RGS7BP: variants seen among roughly 807,000 people sequenced by gnomAD.
The protein encoded by RGS7BP is regulator of G protein signaling 7 binding protein, also known as regulator of G protein signaling 7-binding protein.
In RGS7BP, 9 loss-of-function variants were observed where a neutral mutation model predicts 31.3. That is an observed-to-expected ratio of 0.29 (90% CI 0.17 to 0.50). RGS7BP has a LOEUF of 0.50. RGS7BP is among the 20% of genes least tolerant of loss of function. The probability of loss-of-function intolerance (pLI) is 0.98; values close to 1 mark genes in which losing one functional copy is unlikely to be tolerated. For missense variants in RGS7BP, 274 were observed against 322.0 expected (o/e 0.85, Z 1.14); for synonymous variants, 115 against 120.1 (o/e 0.96, Z 0.28).
rs1191560944 is a variant in RGS7BP, at chr5:64,538,546, C to CTTTT, written c.332+30694_332+30697dup. Among the ~76,000 whole-genome samples, 53 of 40,030 alleles carry CTTTT rather than the reference C, an allele frequency of 1.3e-3. 9 individuals carry two copies. Among genetic ancestry groups the CTTTT allele is most frequent in the African/African-American group, 2.3e-3 (21 of 8,978 alleles). The allele number at this position is 40,030 out of a possible 152,430, so 26.3% of individuals were successfully genotyped here. A position where few individuals can be genotyped will look rare whatever the true frequency, so the allele number is the denominator to read the frequency against. On this transcript the variant is annotated intron_variant, in intron 2 of 5. Transcript: ENST00000334025. ...TTCTTTTCTTTTTTTTTTTCCTTTT[C>CTTTT]TTTTTTTTTTTTTTTTTTTTTTTTT...
At chr5:64,600,099 T>A (rs1184899957) in intron 5 of RGS7BP, among the ~76,000 whole-genome samples, 4 of 152,212 alleles carry the variant, frequency 2.6e-5, no homozygotes, top group African/African-American at 7.2e-5. Context: ...GTCAGGCTGG[T>A]CTTGAGCCTG....
intron 3 of RGS7BP, among the ~76,000 whole-genome samples, chr5:64,584,992 TCC>T (rs1410044886): frequency 6.6e-6 from 1 of 152,114 alleles, no homozygotes; most frequent in Non-Finnish European, 1.5e-5. Context: ...AGCCTATACT[TCC>T]CCAGTCCTTT....
intron 2 of RGS7BP, among the ~76,000 whole-genome samples, chr5:64,523,193 G>A (rs1749150726): frequency 6.6e-6 from 1 of 152,188 alleles, no homozygotes; most frequent in African/African-American, 2.4e-5. Flanking sequence ...CAGGGCCCCA[G>A]GTAGGTGAAG....
At chr5:64,512,942 T>A (rs1285822395) in intron 2 of RGS7BP, among the ~76,000 whole-genome samples, 1 of 152,250 alleles carries the variant, frequency 6.6e-6, no homozygotes, top group Non-Finnish European at 1.5e-5. Context: ...CTAGTTCTGG[T>A]ATAGGCTATA....
chr5:64,557,801 CTT>C (rs1444967389), intron 2 of RGS7BP, among the ~76,000 whole-genome samples: 1 of 152,126 alleles, frequency 6.6e-6, no homozygotes, highest in Non-Finnish European at 1.5e-5. Flanking sequence ...TTTGTTAACT[CTT>C]ATGCTAATTT....
rs754466401 is a variant in RGS7BP at position 64,506,834 on chromosome 5, G to C, written c.165+45G>C. On this transcript the variant is annotated intron_variant, in intron 1 of 5. Transcript: ENST00000334025. This position sits in a 1 kb window ranked among gnomAD's most constrained non-coding sequence, Gnocchi z 4.6. ...CTTTTTTTTTTTTTTTAATTGAGAG[G>C]GGGTGGGGGGAGTCATGTATGTTAA... The C allele has an allele frequency of 6.6e-7, 1 of 1,515,750 alleles. No individual in the cohort carries two copies. Among genetic ancestry groups the C allele is most frequent in the African/African-American group, 1.4e-5 (1 of 71,124 alleles). The allele number at this position is 1,515,750 out of a possible 1,614,324, so 93.9% of individuals were successfully genotyped here.
At position 64,510,945 on chromosome 5, in the gene RGS7BP, G is replaced by A. The variant is rs971379302; in HGVS notation, c.332+3068G>A. 6.6e-5 allele frequency among the ~76,000 whole-genome samples: 10 copies of A among 152,350 alleles called. No homozygotes were observed. In the East Asian group the frequency reaches 1.9e-3, roughly 29 times the overall value. On this transcript the variant is annotated intron_variant, in intron 2 of 5. Transcript: ENST00000334025. ...TGTGGGAAAGGCAGGACTTGAAGGA[G>A]TAAGTGAATTTATTCATTTTCTACC...
chr5:64,548,664 A>T (rs1324263295), intron 2 of RGS7BP, among the ~76,000 whole-genome samples: 1 of 151,688 alleles, frequency 6.6e-6, no homozygotes, highest in Admixed American at 6.6e-5. Flanking sequence ...CCACCACTAC[A>T]TCTGGCTAAT....
intron 2 of RGS7BP, among the ~76,000 whole-genome samples, chr5:64,522,136 C>T (rs550924424): frequency 2.6e-5 from 4 of 152,274 alleles, no homozygotes; most frequent in South Asian, 4.1e-4. Context: ...CAAATATAAA[C>T]GGTCAGAATC....
intron 2 of RGS7BP, among the ~76,000 whole-genome samples, chr5:64,511,889 G>C (rs1748848257): frequency 6.6e-6 from 1 of 152,226 alleles, no homozygotes; most frequent in South Asian, 2.1e-4. Flanking sequence ...AGTTAACTGA[G>C]CTAGGTATGT....
At chr5:64,585,749 C>G (rs747925023) in intron 3 of RGS7BP, among the ~76,000 whole-genome samples, 4 of 152,166 alleles carry the variant, frequency 2.6e-5, no homozygotes, top group Admixed American at 6.5e-5. Flanking sequence ...TCAAACATGC[C>G]TATTACATTA....
Position 64,506,669 on chromosome 5 carries a change from C to T in RGS7BP, c.45C>T (p.Ser15=). Residue 15 remains serine, a synonymous_variant, in exon 1 of 6, where the codon TCC becomes TCT. Transcript: ENST00000334025. The surrounding 1 kb of genome is among the most constrained non-coding windows in gnomAD (Gnocchi z 4.6). The part of the protein sequence containing the change: ...PNGRKKRPSR[S]TRSSIFQISK... ...GGCGCAAAAAGCGCCCCAGCCGGTC[C>T]ACCCGCTCCTCGATCTTCCAGATCA... The T allele has an allele frequency of 6.2e-7, 1 of 1,612,758 alleles. No homozygotes were observed. The highest frequency in any genetic ancestry group is 2.2e-5 in the East Asian group (1 of 44,796).
chr5:64,523,588 A>G (rs957348923), intron 2 of RGS7BP, among the ~76,000 whole-genome samples: 2 of 152,192 alleles, frequency 1.3e-5, no homozygotes, highest in Non-Finnish European at 2.9e-5. Context: ...TGTGACCTTT[A>G]TCACCTTCTT....
At chr5:64,593,648 A>G (rs1297736276) in intron 3 of RGS7BP, among the ~76,000 whole-genome samples, 1 of 152,152 alleles carries the variant, frequency 6.6e-6, no homozygotes, top group Non-Finnish European at 1.5e-5. Flanking sequence ...AATTATTTGT[A>G]TAATGTTTTT....
chr5:64,558,240 G>A (rs541608329), intron 2 of RGS7BP, among the ~76,000 whole-genome samples: 6 of 152,218 alleles, frequency 3.9e-5, no homozygotes, highest in African/African-American at 1.2e-4. Context: ...GTGTTGTCTT[G>A]GAATGTGGTT....
Position 64,529,097 on chromosome 5 carries a change from A to C in RGS7BP, c.332+21220A>C, listed in dbSNP as rs186057896. ...AGCTTTAACAATCTGGGATAGAATA[A>C]AAATAGTTTGGGAGGTTATATTTTG... On this transcript the variant is annotated intron_variant, in intron 2 of 5. Transcript: ENST00000334025. 3.9e-3 allele frequency among the ~76,000 whole-genome samples: 599 copies of C among 152,304 alleles called. 2 individuals carry two copies. The highest frequency in any genetic ancestry group is 0.014 in the African/African-American group (589 of 41,574).
intron 2 of RGS7BP, among the ~76,000 whole-genome samples, chr5:64,544,977 C>A (rs192273047): frequency 1.6e-4 from 25 of 152,140 alleles, no homozygotes; most frequent in Non-Finnish European, 3.4e-4. Flanking sequence ...GAGATTGAGA[C>A]CGTACTGGCC....
chr5:64,506,946 C>T lies in RGS7BP; in HGVS notation c.165+157C>T, dbSNP rs939304525. Reference sequence around the variant, plus strand: ...CATGCACTATTTTTAAATCTGCAGTCCCCCAAATTCAGGGTGACACCCTGG... The same window carrying T: ...CATGCACTATTTTTAAATCTGCAGTTCCCCAAATTCAGGGTGACACCCTGG... On this transcript the variant is annotated intron_variant, in intron 1 of 5. Transcript: ENST00000334025. The surrounding 1 kb of genome is among the most constrained non-coding windows in gnomAD (Gnocchi z 4.6). Among the ~76,000 whole-genome samples the T allele has an allele frequency of 2.2e-4, 34 of 152,028 alleles. No homozygotes were observed. Among genetic ancestry groups the T allele is most frequent in the African/African-American group, 7.7e-4 (32 of 41,380 alleles).
At chr5:64,538,546 C>CTTTTTTTTTTTTTTTTTTTTTTT (rs1191560944) in intron 2 of RGS7BP, among the ~76,000 whole-genome samples, 6 of 40,026 alleles carry the variant, frequency 1.5e-4, no homozygotes, top group African/African-American at 2.2e-4. Context: ...TTTTCCTTTT[C>CTTTTTTTTTTTTTTTTTTTTTTT]TTTTTTTTTT....
Sources: allele counts gnomAD v4.1 joint callset (sites outside exome capture counted in the v4.1 genomes callset), GRCh38; gene constraint gnomAD v4.1.1; non-coding constraint Gnocchi (gnomAD v3.1); transcripts MANE v1.5; gene names NCBI Gene and HGNC (gene_info 2026-07-23, HGNC 2026-07-21).